Variants in GRIA4 observed in about 807,000 individuals in gnomAD.
GRIA4 encodes the protein glutamate ionotropic receptor AMPA type subunit 4.
GRIA4 carries 34 observed loss-of-function variants against 104.0 expected under a neutral mutation model. The observed-to-expected ratio is 0.33, with a 90% CI of 0.25 to 0.44. GRIA4 has a LOEUF of 0.44. GRIA4 is among the 20% of genes least tolerant of loss of function. GRIA4 has a pLI of 1.00. For missense variants in GRIA4, 750 were observed against 1,096.5 expected (o/e 0.68, Z 4.46); for synonymous variants, 386 against 381.9 (o/e 1.01, Z -0.13).
Position 105,753,785 on chromosome 11 carries a change from A to G in GRIA4, c.487+565A>G, listed in dbSNP as rs184488446. Among the ~76,000 whole-genome samples the G allele has an allele frequency of 2.5e-3, 376 of 152,242 alleles. 2 individuals carry two copies. The highest frequency in any genetic ancestry group is 8.8e-3 in the African/African-American group (367 of 41,562). On this transcript the variant is annotated intron_variant, in intron 4 of 16. Coordinates refer to ENST00000282499, the MANE Select transcript of GRIA4 (RefSeq NM_000829.4). The stretch of plus-strand genomic sequence containing the variant: ...AAGAGCAGATCTCAGTGCTCAGGAA[A>G]AACACTTTACTTTCATTTCCTCCTT...
At chr11:105,832,690 C>A (rs1419108071) in intron 4 of GRIA4, among the ~76,000 whole-genome samples, 1 of 151,884 alleles carries the variant, frequency 6.6e-6, no homozygotes, top group South Asian at 2.1e-4. Flanking sequence ...CATGGAGATA[C>A]CTGTGTTATC....
intron 3 of GRIA4, among the ~76,000 whole-genome samples, chr11:105,654,018 A>G (rs1320062715): frequency 6.7e-6 from 1 of 148,516 alleles, no homozygotes; most frequent in Non-Finnish European, 1.5e-5. Flanking sequence ...AAAAAAAAAA[A>G]AAAAAAAAAG....
At chr11:105,962,878 T>C (rs182370932) in intron 14 of GRIA4, among the ~76,000 whole-genome samples, 2 of 152,276 alleles carry the variant, frequency 1.3e-5, no homozygotes, top group East Asian at 1.9e-4. Flanking sequence ...ATAAAGGGAA[T>C]AATTAATGTA....
chr11:105,826,525 T>C (rs1443305456), intron 4 of GRIA4, among the ~76,000 whole-genome samples: 4 of 152,060 alleles, frequency 2.6e-5, no homozygotes, highest in Admixed American at 1.3e-4. Flanking sequence ...TCTGAATGGA[T>C]CCAGGTTTGT....
chr11:105,699,855 G>A (rs1440706895), intron 3 of GRIA4, among the ~76,000 whole-genome samples: 1 of 151,892 alleles, frequency 6.6e-6, no homozygotes, highest in East Asian at 1.9e-4. Flanking sequence ...CCCTTACCCG[G>A]CTTTATTACT....
chr11:105,926,011 A>G (rs1403338703), intron 12 of GRIA4, among the ~76,000 whole-genome samples: 1 of 152,088 alleles, frequency 6.6e-6, no homozygotes, highest in African/African-American at 2.4e-5. Flanking sequence ...TACCAGAGAA[A>G]GAGTGAAAAG....
chr11:105,615,798 T>G (rs1950585036), intron 3 of GRIA4, among the ~76,000 whole-genome samples: 1 of 151,784 alleles, frequency 6.6e-6, no homozygotes, highest in Non-Finnish European at 1.5e-5. Flanking sequence ...TTTCAATAGT[T>G]AATGGATAGA....
rs149657082 is a variant in GRIA4, at chr11:105,979,718, C to G, written c.2688C>G (p.Val896=). 8.1e-5 allele frequency: 130 copies of G among 1,613,690 alleles called. No homozygotes were observed. The highest frequency in any genetic ancestry group is 1.6e-4 in the Middle Eastern group (1 of 6,080). ...TCAGACAAAGTTCAGGATTGGCTGT[C>G]ATTGCATCGGACCTACCATAAAAAC... ...TAIRQSSGLA[V]IASDLP The change falls in exon 17 of 17, where the codon GTC becomes GTG. Residue 896 remains valine, a synonymous_variant. Transcript: ENST00000282499.
chr11:105,729,438 G>A (rs1360137771), intron 3 of GRIA4, among the ~76,000 whole-genome samples: 1 of 152,120 alleles, frequency 6.6e-6, no homozygotes, highest in African/African-American at 2.4e-5. Flanking sequence ...AAGGGGAGCT[G>A]GTGCCATTTC....
rs117820112 is a variant in GRIA4 at position 105,757,371 on chromosome 11, A to G, written c.487+4151A>G. Among the ~76,000 whole-genome samples the G allele has an allele frequency of 8.1e-3, 1,236 of 152,256 alleles. 11 individuals carry two copies. The highest frequency in any genetic ancestry group is 0.012 in the Non-Finnish European group (846 of 68,020). On this transcript the variant is annotated intron_variant, in intron 4 of 16. Coordinates refer to ENST00000282499, the MANE Select transcript of GRIA4 (RefSeq NM_000829.4). ...TGCTAGAAGTCATCCTGAAGGAGTG[A>G]TGAAATCTAACAAGGGGAATGAATC...
intron 10 of GRIA4, chr11:105,912,943 C>A (rs1456461630): frequency 1.0e-6 from 1 of 977,014 alleles, no homozygotes. Context: ...ATACCTATAT[C>A]TAGATATAGA....
chr11:105,787,285 T>G (rs1942010441), intron 4 of GRIA4, among the ~76,000 whole-genome samples: 1 of 152,110 alleles, frequency 6.6e-6, no homozygotes, highest in Non-Finnish European at 1.5e-5. Flanking sequence ...GTGATTATTT[T>G]TCCCCAATCA....
intron 4 of GRIA4, among the ~76,000 whole-genome samples, chr11:105,799,839 A>C (rs1211135477): frequency 6.6e-6 from 1 of 152,256 alleles, no homozygotes; most frequent in Non-Finnish European, 1.5e-5. Flanking sequence ...CATAGAGTAC[A>C]GTTACCAGGG....
At chr11:105,626,356 T>G (rs965776213) in intron 3 of GRIA4, among the ~76,000 whole-genome samples, 1 of 151,948 alleles carries the variant, frequency 6.6e-6, no homozygotes, top group African/African-American at 2.4e-5. Flanking sequence ...AATAAATAAA[T>G]AAGCCCAGTA....
intron 3 of GRIA4, among the ~76,000 whole-genome samples, chr11:105,738,920 TAAAAAAAAACAAAAA>T (rs779472998): frequency 0.01 from 505 of 49,332 alleles, 5 homozygotes; most frequent in Non-Finnish European, 0.016. Context: ...AGTTGACAAG[TAAAAAAAAACAAAAA>T]AAAAAAAAAC....
intron 4 of GRIA4, among the ~76,000 whole-genome samples, chr11:105,782,623 T>A (rs1379358485): frequency 7.9e-5 from 12 of 152,172 alleles, no homozygotes; most frequent in Non-Finnish European, 1.5e-5. Context: ...GTCTGTGATT[T>A]CTCAAGTGTG....
Position 105,860,344 on chromosome 11 carries a change from T to C in GRIA4, c.488-1680T>C, listed in dbSNP as rs1591361714. Among the ~76,000 whole-genome samples the C allele has an allele frequency of 2.0e-5, 3 of 152,292 alleles. No homozygotes were observed. The East Asian group carries it at 5.8e-4, about 29-fold the overall frequency. ...TTCAAAATCTCTGAATCTATGAGACTCACATACCAATTAGAAAACTCAACA... is the reference window on the plus strand; with the variant it reads ...TTCAAAATCTCTGAATCTATGAGACCCACATACCAATTAGAAAACTCAACA... On this transcript the variant is annotated intron_variant, in intron 4 of 16. Coordinates refer to ENST00000282499, the MANE Select transcript of GRIA4 (RefSeq NM_000829.4).
intron 3 of GRIA4, among the ~76,000 whole-genome samples, chr11:105,681,320 G>A (rs1187162966): frequency 1.3e-5 from 2 of 152,180 alleles, no homozygotes; most frequent in African/African-American, 4.8e-5. Flanking sequence ...AGAGATGGGG[G>A]ATGAAACAAT....
chr11:105,746,654 A>T (rs1052549489), intron 3 of GRIA4, among the ~76,000 whole-genome samples: 1 of 152,142 alleles, frequency 6.6e-6, no homozygotes, highest in Non-Finnish European at 1.5e-5. Flanking sequence ...AGTTCCATAG[A>T]TTATGGATTC....
Sources: gnomAD v4.1 joint callset for allele counts (sites outside exome capture counted in the v4.1 genomes callset) on GRCh38, gnomAD v4.1.1 for gene constraint, MANE v1.5 for transcripts, NCBI Gene and HGNC (gene_info 2026-07-23, HGNC 2026-07-21) for gene names.